The following VDR variants were observed in gnomAD, a reference collection of about 807,000 sequenced individuals.
VDR encodes vitamin D3 receptor.
A neutral mutation model predicts 39.7 loss-of-function variants in VDR; 19 were observed. The ratio of observed to expected loss-of-function variants is 0.48; its 90% CI spans 0.33 to 0.70. The LOEUF is 0.70. Ranked by LOEUF, VDR falls within the 30% of genes least tolerant of loss-of-function variation. The pLI, the probability that VDR is intolerant of heterozygous loss-of-function variation, is 0.02. For missense variants in VDR, 442 were observed against 570.5 expected (o/e 0.77, Z 2.29); for synonymous variants, 242 against 215.8 (o/e 1.12, Z -1.07).
At chr12:47,876,975 A>G (rs1483723062) in intron 3 of VDR, among the ~76,000 whole-genome samples, 1 of 152,192 alleles carries the variant, frequency 6.6e-6, no homozygotes, top group Non-Finnish European at 1.5e-5. Context: ...CTCCATAACC[A>G]AATGCTTTGG....
At chr12:47,897,407 C>G (rs1946482186) in intron 1 of VDR, among the ~76,000 whole-genome samples, 1 of 152,206 alleles carries the variant, frequency 6.6e-6, no homozygotes, top group Admixed American at 6.5e-5. Flanking sequence ...AGCCCTGTCC[C>G]TGATCCCAGC....
chr12:47,861,871 C>T (rs1945632677), intron 4 of VDR, among the ~76,000 whole-genome samples: 3 of 152,154 alleles, frequency 2.0e-5, no homozygotes. Flanking sequence ...TTTCAAGATG[C>T]CAAGGATGGG....
intron 3 of VDR, among the ~76,000 whole-genome samples, chr12:47,874,493 C>T (rs917808262): frequency 9.2e-5 from 14 of 152,178 alleles, no homozygotes; most frequent in African/African-American, 3.4e-4. Context: ...TTCCTGGATC[C>T]TCGCCAGCCT....
rs993728643 is a variant in VDR at position 47,842,562 on chromosome 12, A to G, written c.*2184T>C. ...CTGCAACCTCCACCTCCTGGGTTCAATTCTTCTGCCTCAGCCTCCTGAGTA... is the reference window on the plus strand; with the variant it reads ...CTGCAACCTCCACCTCCTGGGTTCAGTTCTTCTGCCTCAGCCTCCTGAGTA... On this transcript the variant is annotated 3_prime_UTR_variant, in exon 10 of 10. Transcript: ENST00000549336. 9.9e-5 allele frequency: 15 copies of G among 151,492 alleles called. No homozygotes were observed. Among genetic ancestry groups the G allele is most frequent in the Admixed American group, 3.9e-4 (6 of 15,240 alleles). 9.4% of individuals were successfully genotyped at this position (151,492 alleles called of 1,614,324 possible).
At position 47,891,059 on chromosome 12, in the gene VDR, G is replaced by A. The variant is rs146164691; in HGVS notation, c.-83-8285C>T. On this transcript the variant is annotated intron_variant, in intron 1 of 9. Coordinates refer to ENST00000549336, the MANE Select transcript of VDR (RefSeq NM_000376.3). ...GGGACCAACGTGATCTCTGAGTCAC[G>A]TAGACTCTTCCGCATTGTGTCAAAG... Among the ~76,000 whole-genome samples, 553 of 152,220 alleles carry A rather than the reference G, an allele frequency of 3.6e-3. 5 individuals are homozygous for A. The highest frequency in any genetic ancestry group is 0.027 in the South Asian group (129 of 4,816).
At chr12:47,873,353 T>C (rs1329327138) in intron 3 of VDR, among the ~76,000 whole-genome samples, 2 of 38,772 alleles carry the variant, frequency 5.2e-5, no homozygotes, top group African/African-American at 1.5e-4. Flanking sequence ...CCTGTTTTCT[T>C]TTTTTTTTTT....
At chr12:47,881,202 T>C (rs1213903417) in intron 2 of VDR, among the ~76,000 whole-genome samples, 1 of 151,850 alleles carries the variant, frequency 6.6e-6, no homozygotes, top group African/African-American at 2.4e-5. Context: ...TGCAGCAACA[T>C]GGATACAGCT....
chr12:47,862,436 G>A (rs189234837), intron 4 of VDR, among the ~76,000 whole-genome samples: 2 of 152,346 alleles, frequency 1.3e-5, no homozygotes, highest in East Asian at 3.9e-4. Flanking sequence ...TATTAGCTGA[G>A]AGCCATGATA....
chr12:47,869,000 G>A (rs548963193), intron 3 of VDR, among the ~76,000 whole-genome samples: 7 of 152,312 alleles, frequency 4.6e-5, no homozygotes, highest in African/African-American at 1.7e-4. Context: ...TGAGGCCCCA[G>A]GGCCTATCAG....
chr12:47,878,702 G>C (rs1946062317), intron 3 of VDR: 1 of 571,224 alleles, frequency 1.8e-6, no homozygotes, highest in Non-Finnish European at 3.3e-6. Flanking sequence ...GAGGCTGTGG[G>C]TTACAGGCGT....
chr12:47,880,690 C>G (rs1295677144), intron 2 of VDR, among the ~76,000 whole-genome samples: 2 of 151,856 alleles, frequency 1.3e-5, no homozygotes, highest in Non-Finnish European at 2.9e-5. Flanking sequence ...TAGGTTGGTG[C>G]AAAAGTAATT....
At chr12:47,855,556 G>A (rs1945467955) in intron 7 of VDR, 74 bp downstream of exon 7, 1 of 1,543,986 alleles carries the variant, frequency 6.5e-7, no homozygotes, top group Non-Finnish European at 8.9e-7. Flanking sequence ...TGGTGGATGA[G>A]TGATCTCCAA....
At chr12:47,858,612 G>A (rs1299221241) in intron 4 of VDR, among the ~76,000 whole-genome samples, 1 of 152,274 alleles carries the variant, frequency 6.6e-6, no homozygotes, top group Non-Finnish European at 1.5e-5. Flanking sequence ...GGGGATGCTG[G>A]GAGCAAAGGT....
At chr12:47,859,915 T>TTTC (rs1945585109) in intron 4 of VDR, among the ~76,000 whole-genome samples, 1 of 35,590 alleles carries the variant, frequency 2.8e-5, no homozygotes, top group Non-Finnish European at 5.4e-5. Context: ...CCTTCCTTCC[T>TTTC]TCTTTCTTTT....
intron 3 of VDR, among the ~76,000 whole-genome samples, chr12:47,874,259 T>A (rs1362333202): frequency 1.3e-5 from 2 of 152,174 alleles, no homozygotes; most frequent in Non-Finnish European, 2.9e-5. Context: ...CTGGACAAAG[T>A]CTCTCCAGCA....
intron 1 of VDR, chr12:47,899,844 A>G: frequency 1.1e-6 from 1 of 933,064 alleles, no homozygotes; most frequent in Non-Finnish European, 1.3e-6. Flanking sequence ...TACCCCAAAG[A>G]GAAGCTATGA....
intron 1 of VDR, 150 bp from the exon 2 acceptor site, chr12:47,882,924 T>A: frequency 1.7e-6 from 1 of 596,448 alleles, no homozygotes; most frequent in South Asian, 2.2e-5. Flanking sequence ...GGAGCAGGCA[T>A]GCCATGTCAT....
At chr12:47,864,059 G>A (rs544410057) in intron 4 of VDR, among the ~76,000 whole-genome samples, 78 of 152,284 alleles carry the variant, frequency 5.1e-4, no homozygotes, top group African/African-American at 1.6e-3. Context: ...CTCCGACTCC[G>A]ATTCCTCAGA....
chr12:47,883,513 G>T (rs189234486), intron 1 of VDR, among the ~76,000 whole-genome samples: 1 of 152,336 alleles, frequency 6.6e-6, no homozygotes, highest in African/African-American at 2.4e-5. Flanking sequence ...CTGGATCTTA[G>T]CAGCTGGCTG....
Sources: allele counts gnomAD v4.1 joint callset (sites outside exome capture counted in the v4.1 genomes callset), GRCh38; gene constraint gnomAD v4.1.1; transcripts MANE v1.5; gene names NCBI Gene and HGNC (gene_info 2026-07-23, HGNC 2026-07-21).